The following CPA6 variants were observed in gnomAD, a reference collection of about 807,000 sequenced individuals.
The protein encoded by CPA6 is carboxypeptidase A6.
CPA6 carries 58 observed loss-of-function variants against 63.3 expected under a neutral mutation model. The observed-to-expected ratio is 0.92, with a 90% confidence interval of 0.74 to 1.14. The LOEUF (loss-of-function observed/expected upper bound fraction) is 1.14. Ranked by LOEUF, CPA6 falls within the 50% of genes most tolerant of loss-of-function variation. CPA6 has a pLI of 0.00. For missense variants in CPA6, 565 were observed against 526.6 expected, an observed-to-expected ratio of 1.07 and a Z score of -0.71; for synonymous variants, 185 against 179.0, an observed-to-expected ratio of 1.03 and a Z score of -0.27.
At chr8:67,699,796 C>G (rs1385730979) in intron 1 of CPA6, among the ~76,000 whole-genome samples, 14 of 151,988 alleles carry the variant, frequency 9.2e-5, no homozygotes. Context: ...ACCATGTTGG[C>G]CAGGCTGGTC....
chr8:67,555,024 C>T (rs1813028935), intron 2 of CPA6, among the ~76,000 whole-genome samples: 1 of 152,194 alleles, frequency 6.6e-6, no homozygotes, highest in African/African-American at 2.4e-5. Flanking sequence ...TCAGTGCCTA[C>T]TGAAGCACTG....
At chr8:67,546,562 C>T (rs1002054044) in intron 2 of CPA6, among the ~76,000 whole-genome samples, 7 of 152,098 alleles carry the variant, frequency 4.6e-5, no homozygotes, top group African/African-American at 1.7e-4. Flanking sequence ...TCTTGTATAC[C>T]ACTGTTTCTA....
intron 2 of CPA6, among the ~76,000 whole-genome samples, chr8:67,581,861 T>C (rs1366689612): frequency 6.6e-6 from 1 of 152,122 alleles, no homozygotes; most frequent in Non-Finnish European, 1.5e-5. Context: ...TCTCCTAGTT[T>C]ATTAGGGAAG....
At chr8:67,517,893 A>C (rs777108336) in intron 3 of CPA6, 30 bp downstream of exon 3, 1 of 1,584,076 alleles carries the variant, frequency 6.3e-7, no homozygotes, top group Non-Finnish European at 8.6e-7. Context: ...GTACCAATAA[A>C]TTTTATAGCA....
intron 1 of CPA6, among the ~76,000 whole-genome samples, chr8:67,676,527 G>A (rs529835128): frequency 1.3e-5 from 2 of 152,306 alleles, no homozygotes; most frequent in African/African-American, 4.8e-5. Flanking sequence ...TCTGTTTTGG[G>A]AAGAGGGTTA....
At chr8:67,475,817 C>CTTT (rs1554666491) in intron 8 of CPA6, among the ~76,000 whole-genome samples, 755 of 30,938 alleles carry the variant, frequency 0.024, 7 homozygotes, top group Middle Eastern at 0.044. Context: ...TTCTTTCTTT[C>CTTT]CTTTCTTTTC....
chr8:67,735,501 C>T (rs1817794457), intron 1 of CPA6: 1 of 152,020 alleles, frequency 6.6e-6, no homozygotes, highest in South Asian at 2.1e-4. Flanking sequence ...TACTTAATTC[C>T]TTAGGAAGAT....
Position 67,640,531 on chromosome 8 carries a change from C to G in CPA6, c.117-16280G>C, listed in dbSNP as rs569385616. 2.0e-5 allele frequency among the ~76,000 whole-genome samples: 3 copies of G among 151,486 alleles called. No homozygotes were observed. In the East Asian group the frequency reaches 5.8e-4, roughly 29 times the overall value. On this transcript the variant is annotated intron_variant, in intron 1 of 10. Transcript: ENST00000297770. ...AGAAGTCAGACAGCAGGAGCAGGCCCCCAGGAGTGTAGAGATGCCTGGGTC... is the reference window on the plus strand; with the variant it reads ...AGAAGTCAGACAGCAGGAGCAGGCCGCCAGGAGTGTAGAGATGCCTGGGTC...
intron 1 of CPA6, among the ~76,000 whole-genome samples, chr8:67,673,684 G>T (rs143561502): frequency 1.3e-5 from 2 of 151,730 alleles, no homozygotes; most frequent in African/African-American, 4.8e-5. Context: ...GAGCCACTGC[G>T]CCTGGCCTTG....
At chr8:67,526,706 G>A (rs1563986904) in intron 2 of CPA6, among the ~76,000 whole-genome samples, 1 of 152,162 alleles carries the variant, frequency 6.6e-6, no homozygotes. Context: ...GGAAGATGCA[G>A]GCCTGTGCTG....
At chr8:67,535,493 G>T (rs2128969679) in intron 2 of CPA6, among the ~76,000 whole-genome samples, 1 of 152,240 alleles carries the variant, frequency 6.6e-6, no homozygotes, top group African/African-American at 2.4e-5. Context: ...ATGTTTGTTG[G>T]CTGCATAAAT....
chr8:67,711,750 C>A (rs1817266862), intron 1 of CPA6, among the ~76,000 whole-genome samples: 1 of 151,444 alleles, frequency 6.6e-6, no homozygotes, highest in Non-Finnish European at 1.5e-5. Context: ...GCACCTTACA[C>A]CCCATATGAG....
chr8:67,557,001 C>A (rs761375459), intron 2 of CPA6, among the ~76,000 whole-genome samples: 1 of 152,070 alleles, frequency 6.6e-6, no homozygotes, highest in Non-Finnish European at 1.5e-5. Flanking sequence ...TTGGGGGAGA[C>A]GATAATAAAA....
intron 2 of CPA6, among the ~76,000 whole-genome samples, chr8:67,554,572 C>G (rs945872727): frequency 6.6e-6 from 1 of 152,118 alleles, no homozygotes; most frequent in Non-Finnish European, 1.5e-5. Flanking sequence ...CTGAGAAGTC[C>G]CACGATAGTC....
chr8:67,440,825 C>T (rs1028020435), intron 8 of CPA6, among the ~76,000 whole-genome samples: 2 of 152,036 alleles, frequency 1.3e-5, no homozygotes, highest in African/African-American at 4.8e-5. Flanking sequence ...CTCTGACATA[C>T]ATACAATCAC....
intron 2 of CPA6, among the ~76,000 whole-genome samples, chr8:67,581,320 T>C (rs1427912309): frequency 6.6e-6 from 1 of 152,170 alleles, no homozygotes; most frequent in African/African-American, 2.4e-5. Context: ...TAAGCATTTA[T>C]ATACTATATA....
intron 1 of CPA6, among the ~76,000 whole-genome samples, chr8:67,728,142 C>G (rs1817635924): frequency 6.7e-6 from 1 of 148,760 alleles, no homozygotes; most frequent in South Asian, 2.2e-4. Flanking sequence ...ACAAACAAAA[C>G]AAAACAAAAC....
chr8:67,508,120 C>G (rs556879671), intron 5 of CPA6, among the ~76,000 whole-genome samples: 2 of 150,664 alleles, frequency 1.3e-5, no homozygotes, highest in South Asian at 4.2e-4. Flanking sequence ...ATGAGAGGGT[C>G]AAGAATGGGG....
At chr8:67,672,486 CCTT>C (rs2128994554) in intron 1 of CPA6, among the ~76,000 whole-genome samples, 1 of 152,284 alleles carries the variant, frequency 6.6e-6, no homozygotes, top group Non-Finnish European at 1.5e-5. Context: ...GTCCTCCTGT[CCTT>C]CTCCTCATCA....
Sources: gnomAD v4.1 joint callset for allele counts (sites outside exome capture counted in the v4.1 genomes callset) on GRCh38, gnomAD v4.1.1 for gene constraint, MANE v1.5 for transcripts, NCBI Gene and HGNC (gene_info 2026-07-23, HGNC 2026-07-21) for gene names.